Variants in STARD13 observed in about 807,000 individuals in gnomAD.
STARD13 encodes StAR related lipid transfer domain containing 13, also known as stAR-related lipid transfer protein 13.
Under a neutral mutation model 106.4 loss-of-function variants are expected in STARD13, and 62 were observed. The observed-to-expected ratio is 0.58, with a 90% CI of 0.48 to 0.72. STARD13 has a LOEUF of 0.72. Ranked by LOEUF, STARD13 falls within the 30% of genes least tolerant of loss-of-function variation. The probability of loss-of-function intolerance (pLI) is 0.00; values close to 1 mark genes in which losing one functional copy is unlikely to be tolerated. For synonymous variants in STARD13, 565 were observed against 553.0 expected, an observed-to-expected ratio of 1.02 and a Z score of -0.31; for missense variants, 1,387 against 1,424.0, an observed-to-expected ratio of 0.97 and a Z score of 0.42.
chr13:33,118,302 CTT>C, intron 7 of STARD13, 39 bp from the exon 8 acceptor site: 2 of 1,583,022 alleles, frequency 1.3e-6, no homozygotes, highest in Middle Eastern at 1.7e-4. Context: ...CCAGGCCACA[CTT>C]GGTTGTGAGG....
chr13:33,559,148 A>C, the STARD13 span, among the ~76,000 whole-genome samples: 2 of 151,682 alleles, frequency 1.3e-5, no homozygotes, highest in African/African-American at 4.9e-5. Flanking sequence ...TGTCTCAAAA[A>C]ATTAGAGGAA....
chr13:33,502,396 C>T, the STARD13 span, among the ~76,000 whole-genome samples: 1 of 152,148 alleles, frequency 6.6e-6, no homozygotes, highest in African/African-American at 2.4e-5. Flanking sequence ...TGCCTGATTG[C>T]CCTGGCCAGA....
chr13:33,644,305 T>G, the STARD13 span, among the ~76,000 whole-genome samples: 1 of 152,086 alleles, frequency 6.6e-6, no homozygotes, highest in South Asian at 2.1e-4. Flanking sequence ...ATGGAGAAAA[T>G]AATAGTCCAT....
At chr13:33,439,719 G>A in the STARD13 span, 1 of 1,257,902 alleles carries the variant, frequency 7.9e-7, no homozygotes, top group Non-Finnish European at 1.0e-6. Context: ...TGTTATCAGA[G>A]AGCACCTGTA....
At chr13:33,255,974 A>C (rs1163312374) in intron 1 of STARD13, among the ~76,000 whole-genome samples, 1 of 152,232 alleles carries the variant, frequency 6.6e-6, no homozygotes, top group Admixed American at 6.5e-5. Flanking sequence ...TTTTTATATC[A>C]AGTATAAATA....
Position 33,104,450 on chromosome 13 carries a change from G to C in STARD13, c.*1143C>G, listed in dbSNP as rs1873448689. ...AAACCCTGTCTTTCAGATTGTAAAA[G>C]TTTAATGAATTACATTTTAAGAGTA... On this transcript the variant is annotated 3_prime_UTR_variant, in exon 14 of 14. Transcript: ENST00000336934. 3 of 152,564 alleles carry C rather than the reference G, an allele frequency of 2.0e-5. No individual in the cohort carries two copies. The South Asian group carries it at 6.2e-4, about 32-fold the overall frequency. The allele number at this position is 152,564 out of a possible 1,614,324, so 9.5% of individuals were successfully genotyped here. A position where few individuals can be genotyped will look rare whatever the true frequency, so the allele number is the denominator to read the frequency against.
At chr13:33,505,585 G>T in the STARD13 span, among the ~76,000 whole-genome samples, 1,481 of 152,152 alleles carry the variant, frequency 9.7e-3, 28 homozygotes, top group African/African-American at 0.034. Flanking sequence ...TTTCAAATTT[G>T]TCTGGCAAAC....
chr13:33,390,068 G>A, the STARD13 span, among the ~76,000 whole-genome samples: 2 of 152,098 alleles, frequency 1.3e-5, no homozygotes, highest in African/African-American at 2.4e-5. Context: ...ACCGTCATTG[G>A]TGCCTGTGGA....
At chr13:33,210,176 A>G (rs1243883900) in intron 1 of STARD13, among the ~76,000 whole-genome samples, 1 of 152,204 alleles carries the variant, frequency 6.6e-6, no homozygotes, top group African/African-American at 2.4e-5. Context: ...TCTATTAAAC[A>G]TCAGCTCTGC....
the STARD13 span, among the ~76,000 whole-genome samples, chr13:33,635,269 C>CG: frequency 0.21 from 32,237 of 152,064 alleles, 7,470 homozygotes; most frequent in African/African-American, 0.56. Context: ...GTTAAAATCC[C>CG]GTTTCTAACA....
the STARD13 span, among the ~76,000 whole-genome samples, chr13:33,474,896 T>A: frequency 2.6e-5 from 4 of 152,186 alleles, no homozygotes; most frequent in African/African-American, 9.6e-5. Flanking sequence ...TAGGTAAACA[T>A]CTAATATTTA....
chr13:33,661,663 A>G, the STARD13 span, among the ~76,000 whole-genome samples: 466 of 152,278 alleles, frequency 3.1e-3, 20 homozygotes, highest in South Asian at 0.081. Flanking sequence ...TTATAAAACC[A>G]TCAGATCTCG....
intron 1 of STARD13, among the ~76,000 whole-genome samples, chr13:33,232,159 A>G (rs1594139715): frequency 6.6e-6 from 1 of 152,194 alleles, no homozygotes; most frequent in East Asian, 1.9e-4. Context: ...CTAAAAATAC[A>G]AAAATTAGTT....
At chr13:33,153,897 G>T (rs975912664) in intron 3 of STARD13, among the ~76,000 whole-genome samples, 1 of 152,178 alleles carries the variant, frequency 6.6e-6, no homozygotes. Flanking sequence ...GGAGTGTTCC[G>T]GGTGGGGCCC....
At chr13:33,219,939 C>T (rs1390362658) in intron 1 of STARD13, among the ~76,000 whole-genome samples, 5 of 152,030 alleles carry the variant, frequency 3.3e-5, no homozygotes, top group Non-Finnish European at 7.4e-5. Flanking sequence ...ATACCCACAG[C>T]ACCTTATCAA....
At position 33,127,441 on chromosome 13, in the gene STARD13, G is replaced by A. The variant is rs1476698509; in HGVS notation, c.1854C>T (p.Arg618=). The stretch of plus-strand genomic sequence containing the variant: ...TGGCCGTGAGGCGGAGCAGTGAGAA[G>A]CGCTGGAGCAGGCTCAGCTGGCTGG... ...QTASQLSLLQ[R]FSLLRLTAIM... is the part of the protein sequence containing the mutation. The change falls in exon 6 of 14, where the codon CGC becomes CGT. Residue 618 remains arginine, a synonymous_variant. Coordinates refer to ENST00000336934, the MANE Select transcript of STARD13 (RefSeq NM_178006.4). 1.2e-6 allele frequency: 2 copies of A among 1,604,328 alleles called. No homozygotes were observed. The highest frequency in any genetic ancestry group is 1.7e-6 in the Non-Finnish European group (2 of 1,178,840).
At chr13:33,537,965 CT>C in the STARD13 span, among the ~76,000 whole-genome samples, 2 of 152,186 alleles carry the variant, frequency 1.3e-5, no homozygotes, top group Non-Finnish European at 2.9e-5. Flanking sequence ...GGGGGTACCA[CT>C]GCCAGGAGGC....
the STARD13 span, among the ~76,000 whole-genome samples, chr13:33,368,110 A>G: frequency 2.0e-5 from 3 of 152,002 alleles, no homozygotes; most frequent in Admixed American, 6.6e-5. Context: ...AACACTTCTT[A>G]TCTCAGGGGA....
Position 33,167,672 on chromosome 13 carries a change from G to C in STARD13, c.170-50C>G, listed in dbSNP as rs530344616. 1.3e-4 allele frequency: 205 copies of C among 1,539,724 alleles called. 2 individuals carry two copies. The South Asian group carries it at 2.2e-3, about 16-fold the overall frequency. On this transcript the variant is annotated intron_variant, in intron 1 of 13. Coordinates refer to ENST00000336934, the MANE Select transcript of STARD13 (RefSeq NM_178006.4). ...TTGTGAGTCCCACAGCCGCACCCTA[G>C]TACTCTGCCTTCTTAATCATGGAGA...
Sources: gnomAD v4.1 joint callset for allele counts (sites outside exome capture counted in the v4.1 genomes callset) on GRCh38, gnomAD v4.1.1 for gene constraint, MANE v1.5 for transcripts, NCBI Gene and HGNC (gene_info 2026-07-23, HGNC 2026-07-21) for gene names.